The following COL22A1 variants were observed in gnomAD, a reference collection of about 807,000 sequenced individuals.
COL22A1 encodes the protein collagen alpha-1(XXII) chain.
In COL22A1, 221 loss-of-function variants were observed where a neutral mutation model predicts 248.9. That is an observed-to-expected ratio of 0.89 (90% CI 0.80 to 0.99). The LOEUF is 0.99. Ranked by LOEUF, COL22A1 falls within the 50% of genes least tolerant of loss-of-function variation. The pLI is 0.00. For missense variants in COL22A1, 2,240 were observed against 2,179.0 expected (o/e 1.03, Z -0.56); for synonymous variants, 891 against 793.4 (o/e 1.12, Z -2.07).
intron 62 of COL22A1, among the ~76,000 whole-genome samples, chr8:138,594,495 G>A (rs1817361753): frequency 6.6e-6 from 1 of 152,222 alleles, no homozygotes; most frequent in Non-Finnish European, 1.5e-5. Context: ...GAGCAAGTCT[G>A]CCCAGGCTGG....
chr8:138,736,885 C>A (rs368987409), intron 23 of COL22A1, among the ~76,000 whole-genome samples: 3 of 152,268 alleles, frequency 2.0e-5, no homozygotes, highest in African/African-American at 7.2e-5. Context: ...AAGGACTTGG[C>A]CAATGTCCCA....
intron 3 of COL22A1, among the ~76,000 whole-genome samples, chr8:138,853,446 TGCCTCCACAACA>T (rs1361999422): frequency 6.6e-6 from 1 of 152,204 alleles, no homozygotes; most frequent in East Asian, 1.9e-4. Flanking sequence ...ATACTCCCAA[TGCCTCCACAACA>T]GGTCTCTCTC....
At chr8:138,697,045 G>A (rs1406449427) in intron 32 of COL22A1, among the ~76,000 whole-genome samples, 2 of 152,134 alleles carry the variant, frequency 1.3e-5, no homozygotes, top group Admixed American at 6.5e-5. Flanking sequence ...GGACTGCAGT[G>A]GCAGGAAGAC....
At chr8:138,708,961 A>G (rs187330332) in intron 30 of COL22A1, among the ~76,000 whole-genome samples, 6,637 of 152,240 alleles carry the variant, frequency 0.044, 194 homozygotes, top group East Asian at 0.12. Flanking sequence ...AAAAAACCCC[A>G]TCAAAAATGG....
chr8:138,653,551 A>G (rs900697251), intron 45 of COL22A1, among the ~76,000 whole-genome samples: 6 of 152,204 alleles, frequency 3.9e-5, no homozygotes, highest in African/African-American at 1.4e-4. Context: ...TTGAGGATTT[A>G]ATAATATAAT....
At chr8:138,649,856 G>T (rs1292568467) in intron 45 of COL22A1, 78 bp from the exon 46 acceptor site, 3 of 838,888 alleles carry the variant, frequency 3.6e-6, no homozygotes, top group Non-Finnish European at 5.5e-6. Flanking sequence ...AAGTAGCCCT[G>T]GCTGCTATCT....
intron 45 of COL22A1, among the ~76,000 whole-genome samples, chr8:138,653,809 C>T (rs1348792455): frequency 1.3e-5 from 2 of 152,180 alleles, no homozygotes; most frequent in African/African-American, 4.8e-5. Context: ...TAACTTACAA[C>T]ATCGAGATGA....
chr8:138,592,178 A>G (rs1171249457), intron 63 of COL22A1, among the ~76,000 whole-genome samples: 2 of 152,214 alleles, frequency 1.3e-5, no homozygotes, highest in Non-Finnish European at 2.9e-5. Flanking sequence ...GGAATTTCAA[A>G]AAAACACTAC....
intron 55 of COL22A1, among the ~76,000 whole-genome samples, chr8:138,615,495 C>T (rs1216206327): frequency 1.3e-5 from 2 of 148,448 alleles, no homozygotes; most frequent in African/African-American, 5.0e-5. Flanking sequence ...CACGCCAATG[C>T]ACTTCAGCCT....
Position 138,877,794 on chromosome 8 carries a change from G to A in COL22A1, c.614C>T (p.Ala205Val), listed in dbSNP as rs1307448296. ...AHVFHVSDFN[A>V]IDKIRGKLRR... ...CAGCTTGCCCCGGATCTTGTCGATGGCATTGAAGTCGGACACGTGGAAGAC... is the reference window on the plus strand; with the variant it reads ...CAGCTTGCCCCGGATCTTGTCGATGACATTGAAGTCGGACACGTGGAAGAC... Residue 205 changes from alanine to valine, a missense_variant, in exon 3 of 65, where the codon GCC (alanine) becomes GTC (valine). By Grantham distance (64) the Ala-to-Val change is moderately conservative. Coordinates refer to ENST00000303045, the MANE Select transcript of COL22A1 (RefSeq NM_152888.3). 2.5e-6 allele frequency: 4 copies of A among 1,608,478 alleles called. No individual in the cohort carries two copies. The highest frequency in any genetic ancestry group is 2.2e-5 in the East Asian group (1 of 44,738).
At chr8:138,697,785 G>A (rs535059459) in intron 32 of COL22A1, among the ~76,000 whole-genome samples, 1 of 152,372 alleles carries the variant, frequency 6.6e-6, no homozygotes, top group African/African-American at 2.4e-5. Context: ...GCAGAGCAGG[G>A]AGAAGTCAAA....
chr8:138,690,806 C>A lies in COL22A1; in HGVS notation c.2808+15G>T, dbSNP rs1826785696. The stretch of plus-strand genomic sequence containing the variant: ...GGTGGCTGGGCCGTGCGTATGCCCT[C>A]TCCCAATTACTCACCACACTTCCTG... On this transcript the variant is annotated intron_variant, in intron 36 of 64. Coordinates refer to ENST00000303045, the MANE Select transcript of COL22A1 (RefSeq NM_152888.3). 6.2e-7 allele frequency: 1 copy of A among 1,604,094 alleles called. No individual in the cohort carries two copies. Among genetic ancestry groups the A allele is most frequent in the Admixed American group, 1.7e-5 (1 of 59,152 alleles).
At chr8:138,755,239 G>A in intron 20 of COL22A1, 29 bp from the exon 21 acceptor site, 5 of 1,610,750 alleles carry the variant, frequency 3.1e-6, no homozygotes, top group Non-Finnish European at 4.2e-6. Flanking sequence ...CAGATGTTTA[G>A]TCATGACTTT....
intron 4 of COL22A1, among the ~76,000 whole-genome samples, chr8:138,837,798 A>T (rs1207934287): frequency 6.6e-6 from 1 of 152,074 alleles, no homozygotes. Flanking sequence ...TCTGCTTAGG[A>T]TTAGATGTTG....
intron 1 of COL22A1, among the ~76,000 whole-genome samples, chr8:138,895,117 T>A (rs1484974042): frequency 2.6e-5 from 4 of 151,190 alleles, no homozygotes; most frequent in Non-Finnish European, 4.4e-5. Flanking sequence ...TGGGGTGGTA[T>A]CAGCAAGGCC....
At chr8:138,678,894 G>T (rs1410916802) in intron 40 of COL22A1, among the ~76,000 whole-genome samples, 1 of 152,112 alleles carries the variant, frequency 6.6e-6, no homozygotes, top group Non-Finnish European at 1.5e-5. Context: ...TGTATATTAT[G>T]GTTGCATTAT....
intron 2 of COL22A1, among the ~76,000 whole-genome samples, chr8:138,878,793 G>A (rs1328336438): frequency 1.3e-5 from 2 of 152,062 alleles, no homozygotes; most frequent in Non-Finnish European, 2.9e-5. Flanking sequence ...GGATCACGAG[G>A]TCAGGAGATC....
chr8:138,906,435 T>TA (rs2132186270), intron 1 of COL22A1, among the ~76,000 whole-genome samples: 1 of 152,160 alleles, frequency 6.6e-6, no homozygotes, highest in Admixed American at 6.5e-5. Flanking sequence ...TTAACGTGTC[T>TA]AGTCTCTCTT....
rs1380642021 is a variant in COL22A1, at chr8:138,636,740, A to C, written c.3555+2T>G. On this transcript the variant is annotated splice_donor_variant, in intron 48 of 64. Transcript: ENST00000303045. LOFTEE classifies it high-confidence loss of function. Reference sequence around the variant, plus strand: ...ATGGTTCCTTATAAAGTAAATTTTTACCTGATCACCTTTCTGCCCAACCTC... The same window carrying C: ...ATGGTTCCTTATAAAGTAAATTTTTCCCTGATCACCTTTCTGCCCAACCTC... The C allele has an allele frequency of 6.2e-7, 1 of 1,611,318 alleles. No individual in the cohort carries two copies. The highest frequency in any genetic ancestry group is 1.1e-5 in the South Asian group (1 of 91,002).
Sources: gnomAD v4.1 joint callset for allele counts (sites outside exome capture counted in the v4.1 genomes callset) on GRCh38, gnomAD v4.1.1 for gene constraint, MANE v1.5 for transcripts, NCBI Gene and HGNC (gene_info 2026-07-23, HGNC 2026-07-21) for gene names.